Variants in SYN2 observed in about 807,000 individuals in gnomAD.
The protein encoded by SYN2 is synapsin-2.
Under a neutral mutation model 50.9 loss-of-function variants are expected in SYN2, and 19 were observed. The observed-to-expected ratio is 0.37, with a 90% CI of 0.26 to 0.55. The LOEUF is 0.55. Ranked by LOEUF, SYN2 falls within the 20% of genes least tolerant of loss-of-function variation. SYN2 has a pLI of 0.81. For missense variants in SYN2, 587 were observed against 576.4 expected (o/e 1.02, Z -0.19); for synonymous variants, 255 against 224.9 (o/e 1.13, Z -1.20).
rs184281774 is a variant in SYN2 at position 12,022,874 on chromosome 3, G to A, written c.377+17946G>A. Among the ~76,000 whole-genome samples, 702 of 152,248 alleles carry A rather than the reference G, an allele frequency of 4.6e-3. 7 individuals carry two copies. Among genetic ancestry groups the A allele is most frequent in the Non-Finnish European group, 5.0e-3 (340 of 68,012 alleles). The stretch of plus-strand genomic sequence containing the variant: ...AGAAAATTATTAATGCCTATAGGAG[G>A]ATGAATATGGTGGTCTCAGGTAACA... On this transcript the variant is annotated intron_variant, in intron 1 of 12. Transcript: ENST00000621198.
At chr3:12,112,106 CA>C (rs995095921) in intron 1 of SYN2, among the ~76,000 whole-genome samples, 4 of 152,154 alleles carry the variant, frequency 2.6e-5, no homozygotes, top group African/African-American at 4.8e-5. Flanking sequence ...CACTGAAAAA[CA>C]TGAGTGTGGT....
rs1698368302 is a variant in SYN2 at position 12,187,535 on chromosome 3, C to T, written c.1536C>T (p.Ser512=). 6.4e-7 allele frequency: 1 copy of T among 1,552,368 alleles called. No individual in the cohort carries two copies. Among genetic ancestry groups the T allele is most frequent in the African/African-American group, 1.4e-5 (1 of 73,072 alleles). Residue 512 remains serine (S), a synonymous_variant, in exon 12 of 13, where the codon TCC becomes TCT. Transcript: ENST00000621198. The part of the protein sequence containing the change: ...GGPTTHGDAP[S]SSSSLAEAQP... Reference sequence around the variant, plus strand: ...CCACCACCCACGGAGATGCACCCTCCAGCAGCAGCTCCCTGGCAGAGGCCC... The same window carrying T: ...CCACCACCCACGGAGATGCACCCTCTAGCAGCAGCTCCCTGGCAGAGGCCC...
At chr3:12,162,822 G>A (rs1697685813) in intron 7 of SYN2, among the ~76,000 whole-genome samples, 1 of 152,166 alleles carries the variant, frequency 6.6e-6, no homozygotes, top group African/African-American at 2.4e-5. Flanking sequence ...AGGATGGAAA[G>A]TTAAAAATTT....
chr3:12,166,304 G>A (rs924629840), intron 7 of SYN2, among the ~76,000 whole-genome samples: 5 of 152,194 alleles, frequency 3.3e-5, no homozygotes, highest in Non-Finnish European at 7.3e-5. Flanking sequence ...CCTCTTGACT[G>A]TGTCTGGATG....
chr3:12,174,327 C>A (rs1327968643), intron 10 of SYN2, among the ~76,000 whole-genome samples: 1 of 152,136 alleles, frequency 6.6e-6, no homozygotes, highest in Non-Finnish European at 1.5e-5. Flanking sequence ...TCCCCTTAGT[C>A]CTGTCCCCCC....
At chr3:12,045,194 G>A (rs1483157281) in intron 1 of SYN2, among the ~76,000 whole-genome samples, 1 of 152,048 alleles carries the variant, frequency 6.6e-6, no homozygotes, top group African/African-American at 2.4e-5. Context: ...TGTTTAAAGG[G>A]GGGTTTACTG....
rs549569891 is a variant in SYN2, at chr3:12,038,722, A to G, written c.377+33794A>G. On this transcript the variant is annotated intron_variant, in intron 1 of 12. Transcript: ENST00000621198. ...CATTTTTGGATTGTTTATTGCTAGT[A>G]TATAGAAATACAATTGATTTTTGTA... 3.3e-5 allele frequency among the ~76,000 whole-genome samples: 5 copies of G among 152,268 alleles called. No homozygotes were observed. The East Asian group carries it at 9.6e-4, about 29-fold the overall frequency.
chr3:12,070,479 A>G (rs1175689704), intron 1 of SYN2: 1 of 617,404 alleles, frequency 1.6e-6, no homozygotes, highest in South Asian at 1.4e-5. Flanking sequence ...CTGGGATGAC[A>G]TGAAGAAGAT....
chr3:12,137,305 G>A (rs1010657654), intron 1 of SYN2, among the ~76,000 whole-genome samples: 1 of 151,622 alleles, frequency 6.6e-6, no homozygotes, highest in East Asian at 1.9e-4. Flanking sequence ...TCTTATGCAA[G>A]GGACTGTGTG....
rs749887424 is a variant in SYN2 at position 12,162,170 on chromosome 3, G to T, written c.980+16G>T. 5 of 1,613,406 alleles carry T rather than the reference G, an allele frequency of 3.1e-6. No individual in the cohort carries two copies. The African/African-American group carries it at 5.3e-5, about 17-fold the overall frequency. On this transcript the variant is annotated intron_variant, in intron 7 of 12. Coordinates refer to ENST00000621198, the MANE Select transcript of SYN2 (RefSeq NM_133625.6). The stretch of plus-strand genomic sequence containing the variant: ...AGGCTTACATGTGAGTAAGAGTGGG[G>T]TATGTTTTCTCCTCAGTGATGATGG...
At chr3:12,186,062 G>C (rs1024324206) in intron 11 of SYN2, among the ~76,000 whole-genome samples, 1 of 152,336 alleles carries the variant, frequency 6.6e-6, no homozygotes, top group Non-Finnish European at 1.5e-5. Context: ...GTGGGGAACT[G>C]AGCGGATAGT....
chr3:12,016,812 C>T lies in SYN2; in HGVS notation c.377+11884C>T, dbSNP rs140147439. On this transcript the variant is annotated intron_variant, in intron 1 of 12. Transcript: ENST00000621198. ...TGGTGGTTGCTGTGAGCTGAGATCGCGCCACTGCACTCCAGCCTGGGTGAC... is the reference window on the plus strand; with the variant it reads ...TGGTGGTTGCTGTGAGCTGAGATCGTGCCACTGCACTCCAGCCTGGGTGAC... Among the ~76,000 whole-genome samples the T allele has an allele frequency of 9.0e-3, 1,364 of 152,116 alleles. 12 individuals are homozygous for T. Among genetic ancestry groups the T allele is most frequent in the African/African-American group, 0.024 (1,007 of 41,488 alleles).
chr3:12,085,133 C>G (rs991390581), intron 1 of SYN2, among the ~76,000 whole-genome samples: 1 of 149,590 alleles, frequency 6.7e-6, no homozygotes, highest in Non-Finnish European at 1.5e-5. Flanking sequence ...AATATGTTGC[C>G]TACAAGAGAC....
chr3:12,180,880 C>T (rs1445580911), intron 10 of SYN2, among the ~76,000 whole-genome samples: 1 of 152,198 alleles, frequency 6.6e-6, no homozygotes, highest in Non-Finnish European at 1.5e-5. Context: ...CCTGTGAGCT[C>T]ATCCTGTGTC....
chr3:12,071,339 C>T, intron 1 of SYN2: 1 of 570,882 alleles, frequency 1.8e-6, no homozygotes, highest in South Asian at 1.4e-5. Flanking sequence ...TTGGCCCCTC[C>T]ATCGTCCACC....
At chr3:12,179,924 C>T (rs6805092) in intron 10 of SYN2, among the ~76,000 whole-genome samples, 7,376 of 152,196 alleles carry the variant, frequency 0.048, 226 homozygotes, top group Non-Finnish European at 0.066. Flanking sequence ...ACTCTGTAAA[C>T]CCAAAGTTGG....
intron 1 of SYN2, among the ~76,000 whole-genome samples, chr3:12,123,009 G>C (rs916199082): frequency 9.9e-5 from 15 of 152,158 alleles, no homozygotes; most frequent in African/African-American, 2.7e-4. Flanking sequence ...TTGCCAAAGA[G>C]AAAGCCAGTG....
intron 1 of SYN2, among the ~76,000 whole-genome samples, chr3:12,050,121 G>C (rs988831168): frequency 2.0e-5 from 3 of 151,776 alleles, no homozygotes; most frequent in Non-Finnish European, 4.4e-5. Flanking sequence ...GGCTGGTCTC[G>C]AACTCATGAC....
intron 1 of SYN2, among the ~76,000 whole-genome samples, chr3:12,120,352 C>A (rs922716119): frequency 3.3e-5 from 5 of 152,018 alleles, no homozygotes; most frequent in African/African-American, 4.8e-5. Flanking sequence ...TATTTTATTG[C>A]CCTTGATGAG....
Sources: allele counts gnomAD v4.1 joint callset (sites outside exome capture counted in the v4.1 genomes callset), GRCh38; gene constraint gnomAD v4.1.1; transcripts MANE v1.5; gene names NCBI Gene and HGNC (gene_info 2026-07-23, HGNC 2026-07-21).